Variants in TEX9 observed in about 807,000 individuals in gnomAD.
TEX9 encodes the protein testis-expressed protein 9.
TEX9 carries 74 observed loss-of-function variants against 59.6 expected under a neutral mutation model. The ratio of observed to expected loss-of-function variants is 1.24; its 90% CI spans 1.03 to 1.51. The LOEUF is 1.51. TEX9 is among the 40% of genes most tolerant of loss of function. The pLI, the probability that TEX9 is intolerant of heterozygous loss-of-function variation, is 0.00. For synonymous variants in TEX9, 186 were observed against 152.2 expected (o/e 1.22, Z -1.64); for missense variants, 522 against 447.8 (o/e 1.17, Z -1.49).
At chr15:56,254,180 G>GT (rs1421959546) in intron 1 of TEX9, among the ~76,000 whole-genome samples, 1 of 152,040 alleles carries the variant, frequency 6.6e-6, no homozygotes, top group Non-Finnish European at 1.5e-5. Context: ...GAAAAATGCC[G>GT]TAAGTGTATG....
At chr15:56,453,811 C>A in the TEX9 span, among the ~76,000 whole-genome samples, 1 of 152,078 alleles carries the variant, frequency 6.6e-6, no homozygotes, top group African/African-American at 2.4e-5. Flanking sequence ...TAACAGGAGT[C>A]ATGATTTCTG....
intron 10 of TEX9, among the ~76,000 whole-genome samples, chr15:56,422,094 G>A (rs2050004490): frequency 8.1e-6 from 1 of 122,950 alleles, no homozygotes; most frequent in Non-Finnish European, 1.6e-5. Flanking sequence ...CAGTGTAAAA[G>A]TGTTGTGGGG....
At chr15:56,341,231 T>C (rs2046366775) in intron 1 of TEX9, among the ~76,000 whole-genome samples, 1 of 152,152 alleles carries the variant, frequency 6.6e-6, no homozygotes, top group African/African-American at 2.4e-5. Context: ...AAAGCATTCA[T>C]GGTGCTTAGC....
chr15:56,287,361 A>G (rs1819369458), intron 1 of TEX9, among the ~76,000 whole-genome samples: 1 of 152,192 alleles, frequency 6.6e-6, no homozygotes, highest in Non-Finnish European at 1.5e-5. Flanking sequence ...CTCCTGGGTG[A>G]AAAGCAAAGA....
intron 3 of TEX9, among the ~76,000 whole-genome samples, chr15:56,378,796 T>C (rs1446828080): frequency 5.3e-5 from 8 of 152,260 alleles, no homozygotes; most frequent in Admixed American, 5.2e-4. Flanking sequence ...CTGGATGTGG[T>C]GGCTGATAGC....
intron 9 of TEX9, chr15:56,398,278 A>C (rs2048577397): frequency 6.6e-6 from 1 of 152,242 alleles, no homozygotes; most frequent in African/African-American, 2.4e-5. Context: ...TATATGTTGA[A>C]ATAATATTTG....
At chr15:56,315,483 C>A (rs1456981937) in intron 1 of TEX9, among the ~76,000 whole-genome samples, 12 of 150,212 alleles carry the variant, frequency 8.0e-5, no homozygotes, top group Admixed American at 1.4e-4. Flanking sequence ...TTGGCCCCCA[C>A]TCTCTTCTGG....
chr15:56,298,094 T>C (rs1379385472), intron 1 of TEX9, among the ~76,000 whole-genome samples: 4 of 152,256 alleles, frequency 2.6e-5, no homozygotes, highest in Non-Finnish European at 2.9e-5. Flanking sequence ...CCCATGTTGA[T>C]TATGTGATCT....
chr15:56,391,731 A>AAT (rs1330288886), intron 7 of TEX9, among the ~76,000 whole-genome samples: 2 of 152,104 alleles, frequency 1.3e-5, no homozygotes, highest in African/African-American at 4.8e-5. Context: ...ATTTGATTGA[A>AAT]TACATTTCAA....
chr15:56,299,289 A>G (rs2045286957), intron 1 of TEX9, among the ~76,000 whole-genome samples: 1 of 152,230 alleles, frequency 6.6e-6, no homozygotes, highest in Admixed American at 6.5e-5. Context: ...TCACAGAAGA[A>G]GCCACACAGC....
intron 1 of TEX9, among the ~76,000 whole-genome samples, chr15:56,295,960 C>T (rs1228056544): frequency 1.3e-5 from 2 of 152,212 alleles, no homozygotes; most frequent in Non-Finnish European, 2.9e-5. Context: ...GCTGCCTCTC[C>T]TGGCTTCATA....
At chr15:56,362,745 C>T (rs1283493579), upstream of TEX9, among the ~76,000 whole-genome samples, 3 of 152,234 alleles carry the variant, frequency 2.0e-5, no homozygotes, top group Admixed American at 2.0e-4. Context: ...TAATCTACTT[C>T]TGTCACTATG....
intron 1 of TEX9, among the ~76,000 whole-genome samples, chr15:56,337,950 G>A (rs2046289118): frequency 6.6e-6 from 1 of 152,126 alleles, no homozygotes; most frequent in Non-Finnish European, 1.5e-5. Context: ...AGGTTGATAA[G>A]ACATTCCAGT....
At chr15:56,376,440 G>T (rs1462301245) in intron 3 of TEX9, among the ~76,000 whole-genome samples, 1 of 151,954 alleles carries the variant, frequency 6.6e-6, no homozygotes, top group Non-Finnish European at 1.5e-5. Flanking sequence ...CTGTCTTTTG[G>T]ATATAAGCCA....
At chr15:56,376,578 T>G (rs1422707213) in intron 3 of TEX9, among the ~76,000 whole-genome samples, 2 of 152,186 alleles carry the variant, frequency 1.3e-5, no homozygotes, top group Non-Finnish European at 2.9e-5. Flanking sequence ...TATTCAGATC[T>G]TTTGCTCATT....
intron 1 of TEX9, among the ~76,000 whole-genome samples, chr15:56,259,532 T>G (rs1430905234): frequency 2.0e-5 from 3 of 152,098 alleles, no homozygotes; most frequent in African/African-American, 4.8e-5. Context: ...AAAATTGCAG[T>G]GGCATCATTG....
chr15:56,353,297 C>T (rs187014413), intron 1 of TEX9, among the ~76,000 whole-genome samples: 1 of 152,244 alleles, frequency 6.6e-6, no homozygotes, highest in Admixed American at 6.5e-5. Context: ...AATGAATAGT[C>T]AGTTTCTAAG....
intron 3 of TEX9, 121 bp from the exon 4 acceptor site, chr15:56,383,831 T>TAAC (rs2047842146): frequency 1.5e-6 from 1 of 646,324 alleles, no homozygotes; most frequent in African/African-American, 1.8e-5. Flanking sequence ...ATTCCGTGCC[T>TAAC]TTATGTTATG....
intron 1 of TEX9, among the ~76,000 whole-genome samples, chr15:56,281,027 A>G (rs571614891): frequency 4.8e-4 from 73 of 152,198 alleles, no homozygotes; most frequent in African/African-American, 1.6e-3. Flanking sequence ...TTTTTCACTA[A>G]TGGGTAAGAA....
Sources: allele counts gnomAD v4.1 joint callset (sites outside exome capture counted in the v4.1 genomes callset), GRCh38; gene constraint gnomAD v4.1.1; transcripts MANE v1.5; gene names NCBI Gene and HGNC (gene_info 2026-07-23, HGNC 2026-07-21).